The following FRMD4A variants were observed in gnomAD, a reference collection of about 807,000 sequenced individuals.
FRMD4A encodes the protein FERM domain-containing protein 4A.
A neutral mutation model predicts 129.1 loss-of-function variants in FRMD4A; 29 were observed. The ratio of observed to expected loss-of-function variants is 0.22; its 90% CI spans 0.17 to 0.31. FRMD4A has a LOEUF of 0.31. Ranked by LOEUF, FRMD4A falls within the 10% of genes least tolerant of loss-of-function variation. The pLI is 1.00. For missense variants in FRMD4A, 1,272 were observed against 1,375.8 expected (o/e 0.92, Z 1.19); for synonymous variants, 634 against 571.6 (o/e 1.11, Z -1.56).
chr10:14,003,460 A>C (rs2095650144), intron 2 of FRMD4A: 1 of 152,200 alleles, frequency 6.6e-6, no homozygotes, highest in Non-Finnish European at 1.5e-5. Flanking sequence ...GATATTAGAG[A>C]TGATAAGTCA....
chr10:13,876,415 T>G (rs889827092), intron 2 of FRMD4A, among the ~76,000 whole-genome samples: 1 of 152,196 alleles, frequency 6.6e-6, no homozygotes, highest in African/African-American at 2.4e-5. Context: ...TACTTTTTGA[T>G]GCTACCAATT....
chr10:14,188,172 T>C (rs989214079), intron 2 of FRMD4A, among the ~76,000 whole-genome samples: 1 of 152,174 alleles, frequency 6.6e-6, no homozygotes, highest in Non-Finnish European at 1.5e-5. Context: ...TTACTGGACC[T>C]TTTCCACAAA....
In FRMD4A at chr10:13,799,244, G is replaced by A. The variant is rs187785993; in HGVS notation, c.207-2656C>T. Reference sequence around the variant, plus strand: ...GTGATCTAGTCTCATTGCAACCTCCGCCCTCCGGGTTCAAGTAATTCTCCT... The same window carrying A: ...GTGATCTAGTCTCATTGCAACCTCCACCCTCCGGGTTCAAGTAATTCTCCT... On this transcript the variant is annotated intron_variant, in intron 4 of 24. Coordinates refer to ENST00000357447, the MANE Select transcript of FRMD4A (RefSeq NM_018027.5). 4.4e-3 allele frequency among the ~76,000 whole-genome samples: 665 copies of A among 152,282 alleles called. 10 individuals carry two copies. The highest frequency in any genetic ancestry group is 0.015 in the African/African-American group (604 of 41,560).
rs928198023 is a variant in FRMD4A at position 13,684,477 on chromosome 10, T to C, written c.1117+9421A>G. 5 of 985,190 alleles carry C rather than the reference T, an allele frequency of 5.1e-6. No homozygotes were observed. In the African/African-American group the frequency reaches 8.7e-5, roughly 17 times the overall value. 61.0% of individuals were successfully genotyped at this position (985,190 alleles called of 1,614,324 possible). The stretch of plus-strand genomic sequence containing the variant: ...ACTCCAGACTCCAGCCGGGGACAGC[T>C]GGGTGTGGAGGAGCGGATGTGGAGG... On this transcript the variant is annotated intron_variant, in intron 15 of 24. Coordinates refer to ENST00000357447, the MANE Select transcript of FRMD4A (RefSeq NM_018027.5).
intron 2 of FRMD4A, among the ~76,000 whole-genome samples, chr10:14,266,697 T>C (rs537838448): frequency 6.6e-6 from 1 of 152,354 alleles, no homozygotes; most frequent in East Asian, 1.9e-4. Context: ...CTGCAGAGTA[T>C]GCACTAATTG....
chr10:13,869,991 C>T (rs2094421272), intron 2 of FRMD4A, among the ~76,000 whole-genome samples: 1 of 152,176 alleles, frequency 6.6e-6, no homozygotes, highest in South Asian at 2.1e-4. Flanking sequence ...CTACTGAGCA[C>T]TGGATTGTAT....
At chr10:13,905,006 A>AAG (rs2094866790) in intron 2 of FRMD4A, among the ~76,000 whole-genome samples, 1 of 151,124 alleles carries the variant, frequency 6.6e-6, no homozygotes, top group African/African-American at 2.4e-5. Flanking sequence ...AAAAAAAAAA[A>AAG]AAAAGAAAAG....
At chr10:13,793,719 G>A (rs1399240094) in intron 5 of FRMD4A, among the ~76,000 whole-genome samples, 1 of 152,118 alleles carries the variant, frequency 6.6e-6, no homozygotes, top group African/African-American at 2.4e-5. Context: ...ATGGACTCAA[G>A]CCTATTTCAA....
intron 5 of FRMD4A, among the ~76,000 whole-genome samples, chr10:13,788,165 C>T (rs942676605): frequency 6.6e-6 from 1 of 152,144 alleles, no homozygotes; most frequent in Non-Finnish European, 1.5e-5. Flanking sequence ...CAGGGTTAGC[C>T]AATTTCCAGA....
At chr10:14,215,182 G>A (rs1410154561) in intron 2 of FRMD4A, among the ~76,000 whole-genome samples, 3 of 152,138 alleles carry the variant, frequency 2.0e-5, no homozygotes, top group African/African-American at 7.2e-5. Flanking sequence ...TAACGAAAAA[G>A]CCGTGGAAAA....
chr10:13,767,881 G>C (rs2092336983), intron 6 of FRMD4A, among the ~76,000 whole-genome samples: 1 of 152,170 alleles, frequency 6.6e-6, no homozygotes, highest in Admixed American at 6.5e-5. Context: ...GGGCTGTCTG[G>C]TGGGCATGGA....
intron 2 of FRMD4A, among the ~76,000 whole-genome samples, chr10:14,071,250 C>T (rs919089325): frequency 1.3e-5 from 2 of 152,206 alleles, no homozygotes; most frequent in Non-Finnish European, 2.9e-5. Flanking sequence ...ATGCCACATT[C>T]AGAAACGACA....
chr10:13,879,050 A>G (rs2094519497), intron 2 of FRMD4A, among the ~76,000 whole-genome samples: 1 of 152,240 alleles, frequency 6.6e-6, no homozygotes, highest in South Asian at 2.1e-4. Context: ...TTTCCCAGGT[A>G]TAGTCACATA....
intron 2 of FRMD4A, among the ~76,000 whole-genome samples, chr10:14,118,892 G>A (rs955581585): frequency 1.2e-4 from 19 of 152,090 alleles, no homozygotes; most frequent in African/African-American, 4.6e-4. Flanking sequence ...ATATAACCCT[G>A]AATCCCCACA....
At chr10:13,761,608 TACA>T (rs1378986996) in intron 8 of FRMD4A, 36 bp downstream of exon 8, 1 of 1,499,690 alleles carries the variant, frequency 6.7e-7, no homozygotes, top group East Asian at 2.3e-5. Flanking sequence ...AGCAAGGGCT[TACA>T]TTTTAAACAA....
chr10:13,918,018 C>T lies in FRMD4A; in HGVS notation c.46-59106G>A, dbSNP rs368003730. Among the ~76,000 whole-genome samples, 14 of 152,320 alleles carry T rather than the reference C, an allele frequency of 9.2e-5. No individual in the cohort carries two copies. In the East Asian group the frequency reaches 2.3e-3, roughly 25 times the overall value. The stretch of plus-strand genomic sequence containing the variant: ...CTATTACCTTAGTCAACAGGCATTT[C>T]CCAGTGCGGAGAATTCAGCTGACCT... On this transcript the variant is annotated intron_variant, in intron 2 of 24. Transcript: ENST00000357447.
At position 13,673,588 on chromosome 10, in the gene FRMD4A, G is replaced by GCGCA. The variant is rs529592341; in HGVS notation, c.1251+1322_1251+1323insTGCG. 5.4e-5 allele frequency among the ~76,000 whole-genome samples: 8 copies of GCGCA among 147,774 alleles called. No individual in the cohort carries two copies. The South Asian group carries it at 6.3e-4, about 12-fold the overall frequency. ...CACACATGTGCATGCGTGCGCGCGC[G>GCGCA]CACACACACACACACACAGAGTCAT... On this transcript the variant is annotated intron_variant, in intron 16 of 24. Transcript: ENST00000357447.
intron 2 of FRMD4A, among the ~76,000 whole-genome samples, chr10:14,316,073 G>C (rs1048515565): frequency 6.6e-6 from 1 of 152,186 alleles, no homozygotes; most frequent in Non-Finnish European, 1.5e-5. Context: ...CCTTGTATGA[G>C]ACCATGGGAA....
At chr10:13,673,332 A>T (rs1212153243) in intron 16 of FRMD4A, among the ~76,000 whole-genome samples, 1 of 152,206 alleles carries the variant, frequency 6.6e-6, no homozygotes, top group African/African-American at 2.4e-5. Flanking sequence ...ACCATAATTA[A>T]GCCAAGTTGA....
Sources: allele counts gnomAD v4.1 joint callset (sites outside exome capture counted in the v4.1 genomes callset), GRCh38; gene constraint gnomAD v4.1.1; transcripts MANE v1.5; gene names NCBI Gene and HGNC (gene_info 2026-07-23, HGNC 2026-07-21).